The following IL6R variants were observed in gnomAD, a reference collection of about 807,000 sequenced individuals.
The protein encoded by IL6R is interleukin-6 receptor subunit alpha.
Under a neutral mutation model 48.3 loss-of-function variants are expected in IL6R, and 38 were observed. The observed-to-expected ratio is 0.79, with a 90% CI of 0.61 to 1.03. The LOEUF (loss-of-function observed/expected upper bound fraction) is 1.03, where lower values mean the gene tolerates loss of function less well. IL6R is among the 50% of genes least tolerant of loss of function. The probability of loss-of-function intolerance (pLI) is 0.00; values close to 1 mark genes in which losing one functional copy is unlikely to be tolerated. For missense variants in IL6R, 534 were observed against 618.3 expected (o/e 0.86, Z 1.45); for synonymous variants, 264 against 256.2 (o/e 1.03, Z -0.29).
At chr1:154,454,719 C>T in intron 9 of IL6R, 138 bp downstream of exon 9, 1 of 671,632 alleles carries the variant, frequency 1.5e-6, no homozygotes, top group Non-Finnish European at 2.7e-6. Flanking sequence ...CCACAACACA[C>T]ACAACACCTA....
intron 6 of IL6R, 82 bp from the exon 7 acceptor site, chr1:154,448,041 CTT>C: frequency 8.8e-7 from 1 of 1,134,546 alleles, no homozygotes; most frequent in Non-Finnish European, 1.3e-6. Flanking sequence ...TTGAGATGAA[CTT>C]TTTTTTTCTG....
chr1:154,466,422 A>T lies in IL6R; in HGVS notation c.*1042A>T, dbSNP rs1691556147. ...AAGAATGTGTTTAAACTTGGTTTTT[A>T]AAAAACTGCTGACTGTTTTCTCTTG... On this transcript the variant is annotated 3_prime_UTR_variant, in exon 10 of 10. Coordinates refer to ENST00000368485, the MANE Select transcript of IL6R (RefSeq NM_000565.4). 6.6e-6 allele frequency: 1 copy of T among 152,232 alleles called. No individual in the cohort carries two copies. The highest frequency in any genetic ancestry group is 6.5e-5 in the Admixed American group (1 of 15,278). 9.4% of individuals were successfully genotyped at this position (152,232 alleles called of 1,614,324 possible). A position where few individuals can be genotyped will look rare whatever the true frequency, so the allele number is the denominator to read the frequency against.
chr1:154,412,384 C>T (rs1688077001), intron 1 of IL6R, among the ~76,000 whole-genome samples: 1 of 151,986 alleles, frequency 6.6e-6, no homozygotes, highest in Admixed American at 6.6e-5. Flanking sequence ...CTCCTGGCCT[C>T]AGCTGGGATT....
intron 9 of IL6R, among the ~76,000 whole-genome samples, chr1:154,463,883 G>A (rs193256805): frequency 2.6e-5 from 4 of 152,212 alleles, no homozygotes; most frequent in African/African-American, 9.6e-5. Flanking sequence ...CCTGTCAGAT[G>A]AGTCAAATTG....
intron 1 of IL6R, among the ~76,000 whole-genome samples, chr1:154,420,692 A>G (rs538424025): frequency 8.6e-5 from 13 of 151,284 alleles, no homozygotes; most frequent in Admixed American, 2.0e-4. Flanking sequence ...CACACCACCA[A>G]GCCTGGCTAA....
intron 8 of IL6R, among the ~76,000 whole-genome samples, chr1:154,450,938 T>C (rs1690549202): frequency 6.6e-6 from 1 of 152,238 alleles, no homozygotes; most frequent in Non-Finnish European, 1.5e-5. Flanking sequence ...GAGGACCTGC[T>C]AAATACCTGG....
chr1:154,441,033 T>C (rs1689902075), intron 6 of IL6R, among the ~76,000 whole-genome samples: 1 of 152,250 alleles, frequency 6.6e-6, no homozygotes, highest in African/African-American at 2.4e-5. Context: ...CTTTCTTATG[T>C]GAACCTAACT....
chr1:154,447,967 C>T (rs939582854), intron 6 of IL6R, among the ~76,000 whole-genome samples, 158 bp from the exon 7 acceptor site: 1 of 152,112 alleles, frequency 6.6e-6, no homozygotes, highest in Admixed American at 6.6e-5. Flanking sequence ...ACCCATCCTC[C>T]CAAAGTGCTG....
chr1:154,446,315 A>G (rs1690226238), intron 6 of IL6R, among the ~76,000 whole-genome samples: 1 of 152,014 alleles, frequency 6.6e-6, no homozygotes, highest in Non-Finnish European at 1.5e-5. Flanking sequence ...GAGTGGATGC[A>G]TTCTTATACT....
At chr1:154,430,396 C>T (rs993559488) in intron 2 of IL6R, 87 bp from the exon 3 acceptor site, 214 of 1,528,974 alleles carry the variant, frequency 1.4e-4, no homozygotes, top group Middle Eastern at 1.2e-3. Flanking sequence ...CCACGTGCTC[C>T]CCTCAAGGGA....
chr1:154,435,285 G>C (rs571149701), intron 5 of IL6R, 129 bp downstream of exon 5: 172 of 775,590 alleles, frequency 2.2e-4, no homozygotes, highest in Non-Finnish European at 3.1e-4. Flanking sequence ...CAAGGTGGGC[G>C]AATCACTTGA....
chr1:154,407,220 C>T (rs1461388892), intron 1 of IL6R, among the ~76,000 whole-genome samples: 2 of 152,168 alleles, frequency 1.3e-5, no homozygotes, highest in African/African-American at 4.8e-5. Context: ...TTCCAGGGCT[C>T]GGATGGCCTC....
chr1:154,421,253 C>T (rs766815874), intron 1 of IL6R, among the ~76,000 whole-genome samples: 98 of 152,292 alleles, frequency 6.4e-4, no homozygotes, highest in Non-Finnish European at 1.2e-3. Flanking sequence ...ATGGAATGCT[C>T]CTGTCCTGGA....
chr1:154,408,508 G>T (rs964003074), intron 1 of IL6R, among the ~76,000 whole-genome samples: 2 of 152,122 alleles, frequency 1.3e-5, no homozygotes, highest in Non-Finnish European at 2.9e-5. Flanking sequence ...TGAACAGATT[G>T]TCTGGCTTGG....
chr1:154,423,192 C>T (rs1189620966), intron 1 of IL6R, among the ~76,000 whole-genome samples: 1 of 148,680 alleles, frequency 6.7e-6, no homozygotes, highest in African/African-American at 2.5e-5. Context: ...TGCGCTCTGC[C>T]GTGCCCTCTC....
intron 1 of IL6R, 117 bp from the exon 2 acceptor site, chr1:154,429,079 C>T (rs750069963): frequency 2.6e-5 from 31 of 1,170,398 alleles, no homozygotes; most frequent in Admixed American, 2.3e-4. Context: ...GCAGAGGTGA[C>T]GGTAGCCTGG....
intron 1 of IL6R, among the ~76,000 whole-genome samples, chr1:154,410,806 G>T (rs1487351331): frequency 6.6e-6 from 1 of 152,162 alleles, no homozygotes; most frequent in Non-Finnish European, 1.5e-5. Flanking sequence ...CTCTGAATCA[G>T]TTCCCACTCC....
chr1:154,448,173 T>G lies in IL6R; in HGVS notation c.996+2T>G, dbSNP rs1383798234. 6.2e-7 allele frequency: 1 copy of G among 1,612,748 alleles called. No individual in the cohort carries two copies. Among genetic ancestry groups the G allele is most frequent in the Non-Finnish European group, 8.5e-7 (1 of 1,179,008 alleles). On this transcript the variant is annotated splice_donor_variant, in intron 7 of 9. Transcript: ENST00000368485. LOFTEE classifies it high-confidence loss of function. ...AACGAGGTGTCCACCCCCATGCAGG[T>G]GAGCTCCTGTTCTTGTAAAAGGGTC...
At chr1:154,422,033 G>T (rs1029436089) in intron 1 of IL6R, among the ~76,000 whole-genome samples, 1 of 151,920 alleles carries the variant, frequency 6.6e-6, no homozygotes, top group African/African-American at 2.4e-5. Context: ...TGCAATCTCT[G>T]CCTCCTGGGT....
Sources: gnomAD v4.1 joint callset for allele counts (sites outside exome capture counted in the v4.1 genomes callset) on GRCh38, gnomAD v4.1.1 for gene constraint, MANE v1.5 for transcripts, NCBI Gene and HGNC (gene_info 2026-07-23, HGNC 2026-07-21) for gene names.